GLT1D1: variants seen among roughly 807,000 people sequenced by gnomAD.
GLT1D1 encodes the protein glycosyltransferase 1 domain-containing protein 1.
A neutral mutation model predicts 28.7 loss-of-function variants in GLT1D1; 21 were observed. The ratio of observed to expected loss-of-function variants is 0.73; its 90% confidence interval spans 0.52 to 1.05. The LOEUF (loss-of-function observed/expected upper bound fraction) is 1.05, where lower values mean the gene tolerates loss of function less well. GLT1D1 is among the 50% of genes least tolerant of loss of function. GLT1D1 has a pLI of 0.00. For missense variants in GLT1D1, 343 were observed against 330.6 expected, an observed-to-expected ratio of 1.04 and a Z score of -0.29; for synonymous variants, 147 against 124.8, an observed-to-expected ratio of 1.18 and a Z score of -1.19.
chr12:128,892,857 C>T (rs1358628021), intron 3 of GLT1D1, among the ~76,000 whole-genome samples: 1 of 151,876 alleles, frequency 6.6e-6, no homozygotes, highest in East Asian at 1.9e-4. Flanking sequence ...GTAATAAGTA[C>T]TTGATAATTA....
At chr12:128,944,891 G>T (rs1338840061) in intron 4 of GLT1D1, 1 of 421,352 alleles carries the variant, frequency 2.4e-6, no homozygotes, top group Non-Finnish European at 4.3e-6. Flanking sequence ...GTGGTTTGCT[G>T]CACCCATCAA....
Position 128,913,365 on chromosome 12 carries a change from G to GC in GLT1D1, c.375+14085dup, listed in dbSNP as rs369742980. Among the ~76,000 whole-genome samples the GC allele has an allele frequency of 9.0e-3, 1,374 of 151,986 alleles. 18 individuals are homozygous for GC. Among genetic ancestry groups the GC allele is most frequent in the African/African-American group, 0.03 (1,249 of 41,436 alleles). Reference sequence around the variant, plus strand: ...CTCCCGAGTAGCTGGGATTACAGGTGCCCCCCCACCACGCCCAGCTAATTT... The same window carrying GC: ...CTCCCGAGTAGCTGGGATTACAGGTGCCCCCCCCACCACGCCCAGCTAATTT... On this transcript the variant is annotated intron_variant, in intron 4 of 7. Coordinates refer to ENST00000281703, the MANE Select transcript of GLT1D1 (RefSeq NM_144669.3).
At chr12:128,978,600 T>C (rs572066338) in intron 7 of GLT1D1, among the ~76,000 whole-genome samples, 25 of 152,186 alleles carry the variant, frequency 1.6e-4, no homozygotes, top group Non-Finnish European at 3.2e-4. Flanking sequence ...CTCCCTCCCA[T>C]CTTGTTACGG....
intron 3 of GLT1D1, among the ~76,000 whole-genome samples, chr12:128,894,275 A>G (rs991100075): frequency 6.6e-6 from 1 of 152,062 alleles, no homozygotes; most frequent in Non-Finnish European, 1.5e-5. Context: ...GACTGGTGAC[A>G]GGGTTTTAGA....
chr12:128,977,944 A>G (rs1468242505), intron 7 of GLT1D1, among the ~76,000 whole-genome samples: 4 of 151,186 alleles, frequency 2.6e-5, no homozygotes, highest in African/African-American at 9.7e-5. Context: ...CACCATGACT[A>G]GCTAATTTTT....
chr12:128,888,667 T>C lies in GLT1D1; in HGVS notation c.246T>C (p.Phe82=). Residue 82 remains phenylalanine, a synonymous_variant, in exon 3 of 8, where the codon TTT becomes TTC. Transcript: ENST00000281703. ...ACCGAATCCCTTTTGGAGTCATCTT[T>C]GGTGGAACTGATGTAAATGAAGATG... is the stretch of plus-strand genomic sequence containing the variant. 6.2e-7 allele frequency: 1 copy of C among 1,613,732 alleles called. No individual in the cohort carries two copies. Among genetic ancestry groups the C allele is most frequent in the South Asian group, 1.1e-5 (1 of 91,040 alleles).
At chr12:128,977,465 C>A (rs1467872315) in intron 7 of GLT1D1, among the ~76,000 whole-genome samples, 1 of 152,150 alleles carries the variant, frequency 6.6e-6, no homozygotes, top group African/African-American at 2.4e-5. Flanking sequence ...TTGCTGTATT[C>A]TTAAAATATT....
intron 1 of GLT1D1, among the ~76,000 whole-genome samples, chr12:128,873,475 A>G (rs566646681): frequency 6.6e-6 from 1 of 152,338 alleles, no homozygotes; most frequent in Non-Finnish European, 1.5e-5. Context: ...TCACAGCTGC[A>G]GTGCGTATTC....
intron 4 of GLT1D1, 96 bp from the exon 5 acceptor site, chr12:128,912,328 G>A: frequency 4.2e-6 from 3 of 709,778 alleles, no homozygotes; most frequent in South Asian, 1.8e-5. Context: ...TTCCAGGACG[G>A]CTTTTTTTGT....
In GLT1D1 at chr12:128,947,380, T is replaced by C; in HGVS notation, c.462T>C (p.Asp154=). The C allele has an allele frequency of 6.2e-7, 1 of 1,614,106 alleles. No homozygotes were observed. Among genetic ancestry groups the C allele is most frequent in the Non-Finnish European group, 8.5e-7 (1 of 1,180,006 alleles). ...TGATTGGAGAGATGCCTCAAGAAGA[T>C]CTGCACGCGGTGGTGAAGAATTGCT... is the stretch of plus-strand genomic sequence containing the variant. The change falls in exon 6 of 8, where the codon GAT becomes GAC. Residue 154 remains aspartate (D), a synonymous_variant. Coordinates refer to ENST00000281703, the MANE Select transcript of GLT1D1 (RefSeq NM_144669.3).
In GLT1D1 at chr12:128,983,270, G is replaced by A. The variant is rs576547710; in HGVS notation, c.*180G>A. ...GCATTCATCCCATATCCTTCTGTGC[G>A]TTCAGATGCTGTCCCAGGCGTGTTC... On this transcript the variant is annotated 3_prime_UTR_variant, in exon 8 of 8. Transcript: ENST00000281703. This position sits in a 1 kb window ranked among gnomAD's most constrained non-coding sequence, Gnocchi z 4.7. 9.3e-5 allele frequency: 55 copies of A among 588,624 alleles called. No individual in the cohort carries two copies. The highest frequency in any genetic ancestry group is 9.1e-4 in the Middle Eastern group (2 of 2,204). 36.5% of individuals were successfully genotyped at this position (588,624 alleles called of 1,614,324 possible).
chr12:128,944,800 A>G, intron 4 of GLT1D1: 1 of 225,580 alleles, frequency 4.4e-6, no homozygotes, highest in East Asian at 1.1e-4. Context: ...CAATTTATAT[A>G]TATATGTATA....
intron 4 of GLT1D1, among the ~76,000 whole-genome samples, chr12:128,923,343 A>G (rs1872836668): frequency 6.6e-6 from 1 of 152,128 alleles, no homozygotes; most frequent in Admixed American, 6.6e-5. Context: ...ATATATTAGC[A>G]ATTTCTATTG....
intron 3 of GLT1D1, among the ~76,000 whole-genome samples, chr12:128,898,695 A>T (rs900303245): frequency 1.3e-5 from 2 of 152,228 alleles, no homozygotes; most frequent in African/African-American, 4.8e-5. Context: ...ATCTCTTAAT[A>T]TTCCTGCACT....
In GLT1D1 at chr12:128,867,826, G is replaced by A. The variant is rs181648781; in HGVS notation, c.69-8088G>A. Reference sequence around the variant, plus strand: ...CTCCCCAGAACTGGGAGAAAAGCTCGGAGGGACTGTGGGTCCGAGGGGGCA... The same window carrying A: ...CTCCCCAGAACTGGGAGAAAAGCTCAGAGGGACTGTGGGTCCGAGGGGGCA... On this transcript the variant is annotated intron_variant, in intron 1 of 7. Transcript: ENST00000281703. Among the ~76,000 whole-genome samples, 6 of 152,306 alleles carry A rather than the reference G, an allele frequency of 3.9e-5. No individual in the cohort carries two copies. In the East Asian group the frequency reaches 7.7e-4, roughly 20 times the overall value.
At chr12:128,894,715 T>A (rs1869435066) in intron 3 of GLT1D1, among the ~76,000 whole-genome samples, 1 of 151,692 alleles carries the variant, frequency 6.6e-6, no homozygotes. Flanking sequence ...CCGAGCATGG[T>A]GGTGCGTGCC....
chr12:128,911,382 C>A (rs574058533), intron 4 of GLT1D1, among the ~76,000 whole-genome samples: 4 of 152,330 alleles, frequency 2.6e-5, no homozygotes, highest in Admixed American at 2.6e-4. Flanking sequence ...GTGGGGACAA[C>A]GTCCAACGTG....
chr12:128,880,831 G>C (rs962517444), intron 2 of GLT1D1, among the ~76,000 whole-genome samples: 1 of 152,074 alleles, frequency 6.6e-6, no homozygotes, highest in Non-Finnish European at 1.5e-5. Context: ...AACGACCACT[G>C]TTTGTGTGTG....
At chr12:128,860,561 C>G (rs1956333966) in intron 1 of GLT1D1, among the ~76,000 whole-genome samples, 1 of 152,206 alleles carries the variant, frequency 6.6e-6, no homozygotes, top group African/African-American at 2.4e-5. Flanking sequence ...CTGGGCAGCC[C>G]TTGAGGGGTT....
Sources: allele counts gnomAD v4.1 joint callset (sites outside exome capture counted in the v4.1 genomes callset), GRCh38; gene constraint gnomAD v4.1.1; non-coding constraint Gnocchi (gnomAD v3.1); transcripts MANE v1.5; gene names NCBI Gene and HGNC (gene_info 2026-07-23, HGNC 2026-07-21).